The following KATNIP variants were observed in gnomAD, a reference collection of about 807,000 sequenced individuals.
The protein encoded by KATNIP is katanin interacting protein.
KATNIP carries 126 observed loss-of-function variants against 174.0 expected under a neutral mutation model. That is an observed-to-expected ratio of 0.72 (90% CI 0.63 to 0.84). KATNIP has a LOEUF of 0.84. Ranked by LOEUF, KATNIP falls within the 40% of genes least tolerant of loss-of-function variation. The probability of loss-of-function intolerance (pLI) is 0.00; values close to 1 mark genes in which losing one functional copy is unlikely to be tolerated. For synonymous variants in KATNIP, 810 were observed against 835.7 expected, an observed-to-expected ratio of 0.97 and a Z score of 0.53; for missense variants, 1,958 against 2,109.7, an observed-to-expected ratio of 0.93 and a Z score of 1.41.
chr16:27,564,787 C>T (rs574280752), intron 1 of KATNIP, among the ~76,000 whole-genome samples: 5 of 151,298 alleles, frequency 3.3e-5, no homozygotes, highest in South Asian at 2.1e-4. Flanking sequence ...TTTTTTTTGA[C>T]GGAGTTTCAC....
At chr16:27,775,163 ACGTCTTTCTT>A in intron 24 of KATNIP, 79 bp downstream of exon 24, 1 of 1,504,712 alleles carries the variant, frequency 6.6e-7, no homozygotes, top group Non-Finnish European at 9.0e-7. Flanking sequence ...TCTCAGTGAC[ACGTCTTTCTT>A]CCAGGTCAAG....
intron 2 of KATNIP, among the ~76,000 whole-genome samples, chr16:27,580,634 A>G (rs2090662778): frequency 6.6e-6 from 1 of 151,968 alleles, no homozygotes; most frequent in African/African-American, 2.4e-5. Context: ...TATGCAGAAC[A>G]TATGCTTTGT....
intron 2 of KATNIP, among the ~76,000 whole-genome samples, chr16:27,599,390 A>T (rs941335086): frequency 2.0e-5 from 3 of 152,166 alleles, no homozygotes; most frequent in African/African-American, 7.2e-5. Flanking sequence ...GGCTATTGAG[A>T]TGGGGGTGGG....
At position 27,707,819 on chromosome 16, in the gene KATNIP, G is replaced by A. The variant is rs368489617; in HGVS notation, c.1390-886G>A. Reference sequence around the variant, plus strand: ...CCTCATATGGCCTTTTTCTGTGTGTGCATCCTTGGTGTGTCTCTCTGTGTG... The same window carrying A: ...CCTCATATGGCCTTTTTCTGTGTGTACATCCTTGGTGTGTCTCTCTGTGTG... On this transcript the variant is annotated intron_variant, in intron 12 of 27. Transcript: ENST00000261588. Among the ~76,000 whole-genome samples, 247 of 152,294 alleles carry A rather than the reference G, an allele frequency of 1.6e-3. 1 individual carries two copies. The highest frequency in any genetic ancestry group is 0.014 in the South Asian group (70 of 4,828).
intron 5 of KATNIP, among the ~76,000 whole-genome samples, chr16:27,635,424 C>T (rs992076906): frequency 1.3e-5 from 2 of 152,128 alleles, no homozygotes; most frequent in East Asian, 1.9e-4. Context: ...CAGTCTAGAG[C>T]ATGGACTCTG....
intron 4 of KATNIP, among the ~76,000 whole-genome samples, chr16:27,630,315 A>T (rs145630649): frequency 2.6e-5 from 4 of 152,376 alleles, no homozygotes; most frequent in Admixed American, 2.6e-4. Context: ...AAATGATGTA[A>T]GAAATGTAAG....
At chr16:27,680,039 G>T (rs755579075) in intron 7 of KATNIP, among the ~76,000 whole-genome samples, 4 of 151,980 alleles carry the variant, frequency 2.6e-5, no homozygotes, top group Admixed American at 6.6e-5. Flanking sequence ...ATCCACTTGG[G>T]CCAGCCCTCC....
intron 14 of KATNIP, among the ~76,000 whole-genome samples, chr16:27,739,243 GAA>G (rs1158759341): frequency 6.6e-6 from 1 of 152,150 alleles, no homozygotes; most frequent in East Asian, 1.9e-4. Flanking sequence ...GGGCAAGTGA[GAA>G]AGAGAGGGAT....
chr16:27,681,590 G>A, intron 8 of KATNIP, 60 bp downstream of exon 8: 1 of 1,604,504 alleles, frequency 6.2e-7, no homozygotes, highest in Non-Finnish European at 8.5e-7. Context: ...CACTCTCTGG[G>A]GTGCCATGAT....
intron 2 of KATNIP, among the ~76,000 whole-genome samples, chr16:27,608,074 T>A (rs1471973355): frequency 6.6e-6 from 1 of 152,188 alleles, no homozygotes; most frequent in African/African-American, 2.4e-5. Context: ...TCAGCCCTGT[T>A]GAGGAGAATT....
At chr16:27,754,836 C>T (rs370180065) in intron 18 of KATNIP, 1 of 152,278 alleles carries the variant, frequency 6.6e-6, no homozygotes, top group Non-Finnish European at 1.5e-5. Context: ...TAAAATATCA[C>T]ATGAGCCAAA....
At chr16:27,715,830 T>G (rs542380329) in intron 13 of KATNIP, among the ~76,000 whole-genome samples, 160 of 152,322 alleles carry the variant, frequency 1.1e-3, no homozygotes, top group African/African-American at 3.6e-3. Flanking sequence ...GGAACCTTCA[T>G]TCTTTGCTTG....
intron 10 of KATNIP, 149 bp from the exon 11 acceptor site, chr16:27,701,440 G>A: frequency 1.6e-6 from 1 of 620,826 alleles, no homozygotes; most frequent in Non-Finnish European, 2.9e-6. Context: ...AGAAGCTCCA[G>A]GCAGTTGCTG....
At chr16:27,680,467 T>C (rs2078291202) in intron 7 of KATNIP, among the ~76,000 whole-genome samples, 2 of 152,120 alleles carry the variant, frequency 1.3e-5, no homozygotes, top group Non-Finnish European at 2.9e-5. Context: ...ACAGTTCGAG[T>C]GATACTGGGG....
At chr16:27,587,985 G>A (rs886988496) in intron 2 of KATNIP, among the ~76,000 whole-genome samples, 1 of 148,838 alleles carries the variant, frequency 6.7e-6, no homozygotes, top group Non-Finnish European at 1.5e-5. Flanking sequence ...GCATGAACAC[G>A]GCTCAAGTGA....
rs966928814 is a variant in KATNIP at position 27,717,770 on chromosome 16, C to T, written c.1606-3788C>T. On this transcript the variant is annotated intron_variant, in intron 13 of 27. Transcript: ENST00000261588. The stretch of plus-strand genomic sequence containing the variant: ...CCTGGAGGATTCTTTTTGTGGCCTC[C>T]AGGGCCCGCTTTACCTTCCATACAG... Among the ~76,000 whole-genome samples the T allele has an allele frequency of 2.0e-5, 3 of 152,094 alleles. No individual in the cohort carries two copies. In the South Asian group the frequency reaches 6.2e-4, roughly 32 times the overall value.
In KATNIP at chr16:27,776,835, C is replaced by T; in HGVS notation, c.4450-93C>T. On this transcript the variant is annotated intron_variant, in intron 24 of 27. Coordinates refer to ENST00000261588, the MANE Select transcript of KATNIP (RefSeq NM_015202.5). This position sits in a 1 kb window ranked among gnomAD's most constrained non-coding sequence, Gnocchi z 4.7. ...GTGGCAGGCGCTGCCTTGGGCACCA[C>T]CGCTCACCCCAGCCCACGCCTGGCA... 1.1e-6 allele frequency: 1 copy of T among 877,200 alleles called. No individual in the cohort carries two copies. The highest frequency in any genetic ancestry group is 2.5e-5 in the East Asian group (1 of 40,622). 54.3% of individuals were successfully genotyped at this position (877,200 alleles called of 1,614,324 possible). A position where few individuals can be genotyped will look rare whatever the true frequency, so the allele number is the denominator to read the frequency against.
chr16:27,735,907 C>T (rs942812645), intron 14 of KATNIP, among the ~76,000 whole-genome samples: 6 of 152,202 alleles, frequency 3.9e-5, no homozygotes, highest in Admixed American at 2.6e-4. Context: ...CACAGGCCGC[C>T]GCTTTTCTGA....
At chr16:27,766,501 CA>C in intron 20 of KATNIP, 27 bp downstream of exon 20, 1 of 1,598,630 alleles carries the variant, frequency 6.3e-7, no homozygotes, top group Non-Finnish European at 8.5e-7. Context: ...TGGCCGTGCT[CA>C]GTCCAGCATC....
Sources: allele counts gnomAD v4.1 joint callset (sites outside exome capture counted in the v4.1 genomes callset), GRCh38; gene constraint gnomAD v4.1.1; non-coding constraint Gnocchi (gnomAD v3.1); transcripts MANE v1.5; gene names NCBI Gene and HGNC (gene_info 2026-07-23, HGNC 2026-07-21).